Variants in GPC6 observed in about 807,000 individuals in gnomAD.
The protein encoded by GPC6 is glypican-6.
A neutral mutation model predicts 55.2 loss-of-function variants in GPC6; 14 were observed. The observed-to-expected ratio is 0.25, with a 90% confidence interval of 0.17 to 0.40. The LOEUF (loss-of-function observed/expected upper bound fraction) is 0.40. GPC6 is among the 10% of genes least tolerant of loss of function. The pLI, the probability that GPC6 is intolerant of heterozygous loss-of-function variation, is 1.00. For missense variants in GPC6, 641 were observed against 708.5 expected (o/e 0.90, Z 1.08); for synonymous variants, 278 against 259.6 (o/e 1.07, Z -0.68).
At chr13:93,700,689 T>C (rs1233628983) in intron 2 of GPC6, among the ~76,000 whole-genome samples, 2 of 152,136 alleles carry the variant, frequency 1.3e-5, no homozygotes, top group Non-Finnish European at 2.9e-5. Flanking sequence ...TTTTGTGTTA[T>C]CAGTTCTTCA....
intron 4 of GPC6, among the ~76,000 whole-genome samples, chr13:94,282,435 GC>G (rs1296828353): frequency 6.6e-6 from 1 of 152,114 alleles, no homozygotes; most frequent in East Asian, 1.9e-4. Flanking sequence ...CAGGATAACT[GC>G]CCCCATGATT....
At chr13:93,278,477 C>A (rs1199994225) in intron 1 of GPC6, among the ~76,000 whole-genome samples, 1 of 152,068 alleles carries the variant, frequency 6.6e-6, no homozygotes. Context: ...TTTCTGTTTC[C>A]ATAATTTTGA....
At chr13:94,186,059 CCAAAA>C (rs1328067687) in intron 4 of GPC6, among the ~76,000 whole-genome samples, 2 of 63,840 alleles carry the variant, frequency 3.1e-5, no homozygotes, top group African/African-American at 1.2e-4. Context: ...GACTCCGTCT[CCAAAA>C]AAAAAAAAAA....
At chr13:93,473,070 A>G (rs985691095) in intron 1 of GPC6, among the ~76,000 whole-genome samples, 5 of 152,136 alleles carry the variant, frequency 3.3e-5, no homozygotes, top group Non-Finnish European at 4.4e-5. Context: ...ATGTGCACCA[A>G]TTGGTCCATG....
intron 3 of GPC6, among the ~76,000 whole-genome samples, chr13:93,889,440 A>C (rs140358094): frequency 6.6e-6 from 1 of 152,284 alleles, no homozygotes; most frequent in Non-Finnish European, 1.5e-5. Flanking sequence ...AATGCAATCT[A>C]ATAACCATAT....
intron 4 of GPC6, among the ~76,000 whole-genome samples, chr13:94,106,607 C>G (rs1566413334): frequency 6.6e-6 from 1 of 151,646 alleles, no homozygotes; most frequent in South Asian, 2.1e-4. Flanking sequence ...ATATTATTTC[C>G]TTATAATAAT....
At chr13:94,326,205 G>GCACACACACACA (rs3138573) in intron 6 of GPC6, among the ~76,000 whole-genome samples, 3 of 147,778 alleles carry the variant, frequency 2.0e-5, no homozygotes, top group African/African-American at 7.5e-5. Flanking sequence ...GTATGCTTGT[G>GCACACACACACA]CACACACACA....
intron 7 of GPC6, among the ~76,000 whole-genome samples, chr13:94,398,121 C>T (rs1013955311): frequency 2.6e-5 from 4 of 151,960 alleles, no homozygotes; most frequent in Admixed American, 6.6e-5. Context: ...TTCTAAATTA[C>T]CCAGTCTCAG....
chr13:93,401,155 C>CGTGTGTGTGTGTGT (rs5805802), intron 1 of GPC6, among the ~76,000 whole-genome samples: 2 of 143,456 alleles, frequency 1.4e-5, no homozygotes, highest in African/African-American at 5.2e-5. Flanking sequence ...AGGTATTTGT[C>CGTGTGTGTGTGTGT]GTGTGTGTGT....
At chr13:93,839,303 A>T (rs1321412072) in intron 3 of GPC6, among the ~76,000 whole-genome samples, 1 of 152,074 alleles carries the variant, frequency 6.6e-6, no homozygotes, top group Non-Finnish European at 1.5e-5. Flanking sequence ...TTGCCACAAG[A>T]TACACACCAA....
chr13:93,780,745 T>C (rs1885616872), intron 2 of GPC6, among the ~76,000 whole-genome samples: 1 of 152,214 alleles, frequency 6.6e-6, no homozygotes, highest in Non-Finnish European at 1.5e-5. Flanking sequence ...AATCTGCATT[T>C]TATTTTTAAC....
At chr13:93,241,079 C>T (rs1485077647) in intron 1 of GPC6, among the ~76,000 whole-genome samples, 1 of 152,078 alleles carries the variant, frequency 6.6e-6, no homozygotes, top group Non-Finnish European at 1.5e-5. Flanking sequence ...TTATTTCTTT[C>T]ATGTTGACTT....
intron 2 of GPC6, among the ~76,000 whole-genome samples, chr13:93,735,939 G>A (rs11843715): frequency 0.02 from 3,008 of 152,258 alleles, 93 homozygotes; most frequent in African/African-American, 0.067. Context: ...TGTTCCTTTT[G>A]CCTATGGGCG....
intron 1 of GPC6, among the ~76,000 whole-genome samples, chr13:93,429,896 G>A (rs1877291590): frequency 6.6e-6 from 1 of 152,048 alleles, no homozygotes; most frequent in Non-Finnish European, 1.5e-5. Flanking sequence ...GGTTACCTAT[G>A]GAAACAGTTG....
Position 94,027,817 on chromosome 13 carries a change from A to G in GPC6, c.800A>G (p.Asn267Ser). Residue 267 changes from asparagine to serine, a missense_variant, in exon 4 of 9, where the codon AAC becomes AGC. By Grantham distance (46) the Asn-to-Ser change is conservative. Coordinates refer to ENST00000377047, the MANE Select transcript of GPC6 (RefSeq NM_005708.5). ...CRGLPTVRPCNNYCLNVMKGC... is the reference protein window; with the variant it reads ...CRGLPTVRPCSNYCLNVMKGC... ...GGGCTTCCCACTGTGAGGCCCTGCA[A>G]CAACTACTGTCTCAACGTCATGAAG... The G allele has an allele frequency of 1.2e-6, 2 of 1,614,078 alleles. No individual in the cohort carries two copies. Among genetic ancestry groups the G allele is most frequent in the South Asian group, 1.1e-5 (1 of 91,080 alleles).
chr13:93,511,422 A>G (rs2892658), intron 1 of GPC6, among the ~76,000 whole-genome samples: 126,483 of 151,618 alleles, frequency 0.83, 53,825 homozygotes, highest in Non-Finnish European at 0.92. Context: ...TTTCCCATTT[A>G]TTGAAGGTGG....
intron 4 of GPC6, among the ~76,000 whole-genome samples, chr13:94,096,579 G>A (rs922587696): frequency 6.6e-6 from 1 of 152,140 alleles, no homozygotes; most frequent in Non-Finnish European, 1.5e-5. Flanking sequence ...GAGACTGAGA[G>A]GAGGAGTAAC....
chr13:93,337,166 C>G (rs1566305696), intron 1 of GPC6, among the ~76,000 whole-genome samples: 1 of 152,122 alleles, frequency 6.6e-6, no homozygotes, highest in South Asian at 2.1e-4. Context: ...ACCATTCACT[C>G]TATCCCAGAA....
intron 3 of GPC6, among the ~76,000 whole-genome samples, chr13:94,017,863 A>G (rs9584177): frequency 0.14 from 20,653 of 151,896 alleles, 1,642 homozygotes; most frequent in East Asian, 0.33. Context: ...TTTTTAGTAG[A>G]GATGGGGTTT....
Sources: gnomAD v4.1 joint callset for allele counts (sites outside exome capture counted in the v4.1 genomes callset) on GRCh38, gnomAD v4.1.1 for gene constraint, MANE v1.5 for transcripts, NCBI Gene and HGNC (gene_info 2026-07-23, HGNC 2026-07-21) for gene names.